The following TESK2 variants were observed in gnomAD, a reference collection of about 807,000 sequenced individuals.
TESK2 encodes the protein testis associated actin remodelling kinase 2, also known as dual specificity testis-specific protein kinase 2.
Under a neutral mutation model 57.1 loss-of-function variants are expected in TESK2, and 39 were observed. The ratio of observed to expected loss-of-function variants is 0.68; its 90% CI spans 0.53 to 0.89. The LOEUF is 0.89. TESK2 is among the 40% of genes least tolerant of loss of function. The pLI, the probability that TESK2 is intolerant of heterozygous loss-of-function variation, is 0.00. For synonymous variants in TESK2, 249 were observed against 267.9 expected (o/e 0.93, Z 0.69); for missense variants, 646 against 732.1 (o/e 0.88, Z 1.36).
In TESK2 at chr1:45,423,474, A is replaced by G. The variant is rs118018790; in HGVS notation, c.223-1628T>C. Reference sequence around the variant, plus strand: ...CGGGAGGCTGAGCCAGGAGAATGGCATGAGCCTGGGAGGCGGGGCCCGCAG... The same window carrying G: ...CGGGAGGCTGAGCCAGGAGAATGGCGTGAGCCTGGGAGGCGGGGCCCGCAG... On this transcript the variant is annotated intron_variant, in intron 2 of 10. Coordinates refer to ENST00000372086, the MANE Select transcript of TESK2 (RefSeq NM_007170.3). Among the ~76,000 whole-genome samples the G allele has an allele frequency of 3.4e-3, 521 of 151,596 alleles. 5 individuals carry two copies. The highest frequency in any genetic ancestry group is 0.031 in the East Asian group (158 of 5,144).
At chr1:45,347,792 C>A in intron 6 of TESK2, 99 bp from the exon 7 acceptor site, 1 of 1,479,742 alleles carries the variant, frequency 6.8e-7, no homozygotes, top group South Asian at 1.1e-5. Context: ...CAGACGAGGA[C>A]TAAACAAATT....
chr1:45,421,603 C>A, intron 3 of TESK2, 122 bp downstream of exon 3: 1 of 1,387,230 alleles, frequency 7.2e-7, no homozygotes, highest in Non-Finnish European at 9.8e-7. Flanking sequence ...CCACTAAACC[C>A]CAGCAAGATA....
chr1:45,405,143 T>C (rs1463981671), intron 3 of TESK2, among the ~76,000 whole-genome samples: 2 of 152,222 alleles, frequency 1.3e-5, no homozygotes, highest in African/African-American at 4.8e-5. Context: ...GTAAGAAAAC[T>C]GAGGTTATAG....
intron 1 of TESK2, among the ~76,000 whole-genome samples, chr1:45,478,351 T>C (rs12073073): frequency 1.3e-5 from 2 of 152,194 alleles, no homozygotes; most frequent in African/African-American, 4.8e-5. Flanking sequence ...CATCATATAG[T>C]ATTTTAATTG....
At chr1:45,427,234 CAAAAAAAAAAAAAA>C (rs111269135) in intron 2 of TESK2, among the ~76,000 whole-genome samples, 5 of 129,494 alleles carry the variant, frequency 3.9e-5, no homozygotes, top group Non-Finnish European at 4.8e-5. Flanking sequence ...GACTCTGTCT[CAAAAAAAAAAAAAA>C]AAAAAAAAAA....
intron 4 of TESK2, among the ~76,000 whole-genome samples, chr1:45,378,167 T>C (rs1343769397): frequency 6.6e-6 from 1 of 152,178 alleles, no homozygotes; most frequent in African/African-American, 2.4e-5. Context: ...CAACTATTAA[T>C]ATACAGAGAG....
chr1:45,450,839 C>T (rs571214519), intron 2 of TESK2, among the ~76,000 whole-genome samples: 3 of 151,692 alleles, frequency 2.0e-5, no homozygotes, highest in African/African-American at 7.3e-5. Context: ...AGGTTTGTTA[C>T]ATATGTATAC....
intron 2 of TESK2, among the ~76,000 whole-genome samples, chr1:45,431,684 C>A (rs1650973164): frequency 6.6e-6 from 1 of 152,074 alleles, no homozygotes; most frequent in African/African-American, 2.4e-5. Context: ...CCAGTAAAAA[C>A]CTTGCTTGAA....
intron 8 of TESK2, 21 bp downstream of exon 8, chr1:45,346,958 A>G (rs763202380): frequency 6.2e-7 from 1 of 1,613,100 alleles, no homozygotes; most frequent in East Asian, 2.2e-5. Flanking sequence ...AGTGGCAATG[A>G]TCCCCATGCT....
At chr1:45,415,726 T>C (rs1650213709) in intron 3 of TESK2, among the ~76,000 whole-genome samples, 1 of 152,172 alleles carries the variant, frequency 6.6e-6, no homozygotes, top group African/African-American at 2.4e-5. Context: ...CGTAAAATAT[T>C]TACTGTCATT....
intron 4 of TESK2, among the ~76,000 whole-genome samples, chr1:45,363,724 T>TG (rs1491168817): frequency 1.4e-5 from 2 of 143,356 alleles, no homozygotes; most frequent in African/African-American, 2.5e-5. Context: ...GTAATTATTC[T>TG]TTTTTTTTTT....
At chr1:45,374,497 T>TA (rs1051580614) in intron 4 of TESK2, among the ~76,000 whole-genome samples, 3 of 151,954 alleles carry the variant, frequency 2.0e-5, no homozygotes, top group African/African-American at 7.3e-5. Flanking sequence ...GCTAATTAAA[T>TA]AATATATTGA....
intron 1 of TESK2, among the ~76,000 whole-genome samples, chr1:45,473,257 T>C (rs578001240): frequency 4.1e-4 from 63 of 152,176 alleles, no homozygotes; most frequent in South Asian, 1.9e-3. Flanking sequence ...CCCAGGCACC[T>C]TCTTTTTGTG....
chr1:45,372,602 C>A (rs1056645693), intron 4 of TESK2, among the ~76,000 whole-genome samples: 2 of 151,330 alleles, frequency 1.3e-5, no homozygotes, highest in Admixed American at 6.6e-5. Flanking sequence ...AAAACAAGAT[C>A]TGGCCTGGTA....
At chr1:45,479,142 A>T (rs1027699219) in intron 1 of TESK2, among the ~76,000 whole-genome samples, 5 of 152,308 alleles carry the variant, frequency 3.3e-5, no homozygotes, top group African/African-American at 9.6e-5. Context: ...CGCCAAAAAA[A>T]TTTTTAACAT....
At chr1:45,428,985 C>T (rs1350756016) in intron 2 of TESK2, among the ~76,000 whole-genome samples, 4 of 151,866 alleles carry the variant, frequency 2.6e-5, no homozygotes, top group Non-Finnish European at 2.9e-5. Context: ...CCATGCCCGA[C>T]TAATTTTTTG....
intron 1 of TESK2, among the ~76,000 whole-genome samples, chr1:45,471,499 G>A (rs561341137): frequency 3.1e-4 from 47 of 151,236 alleles, no homozygotes; most frequent in African/African-American, 1.0e-3. Context: ...TCTGCCTCCC[G>A]GGTTCAAGCG....
rs189780530 is a variant in TESK2, at chr1:45,411,740, A to G, written c.344+9985T>C. 2.8e-4 allele frequency among the ~76,000 whole-genome samples: 42 copies of G among 152,270 alleles called. 1 individual carries two copies. Among genetic ancestry groups the G allele is most frequent in the African/African-American group, 1.0e-3 (42 of 41,552 alleles). On this transcript the variant is annotated intron_variant, in intron 3 of 10. Transcript: ENST00000372086. ...ACTCTAACCTCTAGAGGGCTTCAGG[A>G]AGACTGATTTAAGTGATAACTGCCT...
In TESK2 at chr1:45,452,736, A is replaced by G. The variant is rs143168841; in HGVS notation, c.222+4828T>C. On this transcript the variant is annotated intron_variant, in intron 2 of 10. Transcript: ENST00000372086. ...TCAAGACAAGCCTGGGCAACATAGC[A>G]AGACCCTGTCTCAAAAAAAGAAGAA... 5.5e-4 allele frequency among the ~76,000 whole-genome samples: 84 copies of G among 151,964 alleles called. No homozygotes were observed. In the East Asian group the frequency reaches 0.013, roughly 23 times the overall value.
Sources: allele counts gnomAD v4.1 joint callset (sites outside exome capture counted in the v4.1 genomes callset), GRCh38; gene constraint gnomAD v4.1.1; transcripts MANE v1.5; gene names NCBI Gene and HGNC (gene_info 2026-07-23, HGNC 2026-07-21).